The following USP4 variants were observed in gnomAD, a reference collection of about 807,000 sequenced individuals.
The protein encoded by USP4 is ubiquitin specific peptidase 4.
In USP4, 72 loss-of-function variants were observed where a neutral mutation model predicts 118.2. The ratio of observed to expected loss-of-function variants is 0.61; its 90% confidence interval spans 0.50 to 0.74. The LOEUF (loss-of-function observed/expected upper bound fraction) is 0.74, where lower values mean the gene tolerates loss of function less well. Ranked by LOEUF, USP4 falls within the 30% of genes least tolerant of loss-of-function variation. The probability of loss-of-function intolerance (pLI) is 0.00; values close to 1 mark genes in which losing one functional copy is unlikely to be tolerated. For synonymous variants in USP4, 415 were observed against 440.4 expected (o/e 0.94, Z 0.72); for missense variants, 1,037 against 1,185.7 (o/e 0.87, Z 1.84).
rs2047156567 is a variant in USP4, at chr3:49,291,971, C to G, written c.1972+539G>C. Among the ~76,000 whole-genome samples the G allele has an allele frequency of 2.0e-5, 3 of 152,146 alleles. No individual in the cohort carries two copies. The South Asian group carries it at 6.2e-4, about 32-fold the overall frequency. On this transcript the variant is annotated intron_variant, in intron 15 of 21. Transcript: ENST00000265560. ...TATAGGTGCCCGCCACCATGTCCGG[C>G]TAATTTTTTGTATTTTTAGTAGAGA...
intron 6 of USP4, among the ~76,000 whole-genome samples, chr3:49,322,718 G>T (rs187046520): frequency 3.9e-5 from 6 of 152,066 alleles, no homozygotes; most frequent in African/African-American, 1.2e-4. Flanking sequence ...AAAATTAGCT[G>T]GGCATGGTGG....
At chr3:49,321,492 T>C (rs1048262812) in intron 6 of USP4, among the ~76,000 whole-genome samples, 4 of 151,336 alleles carry the variant, frequency 2.6e-5, no homozygotes, top group Non-Finnish European at 5.9e-5. Flanking sequence ...TTTTTTTTTT[T>C]CTCCTGAGAC....
chr3:49,329,467 T>G (rs141932911), intron 2 of USP4, among the ~76,000 whole-genome samples: 1 of 152,204 alleles, frequency 6.6e-6, no homozygotes, highest in East Asian at 1.9e-4. Flanking sequence ...GTGGCATGAT[T>G]ACAGCTCACT....
chr3:49,336,749 C>T (rs1375744918), intron 1 of USP4, among the ~76,000 whole-genome samples: 1 of 149,716 alleles, frequency 6.7e-6, no homozygotes, highest in Non-Finnish European at 1.5e-5. Context: ...CTCAAACTCC[C>T]TACCTCAGGT....
At chr3:49,287,040 C>T (rs1232316965) in intron 15 of USP4, among the ~76,000 whole-genome samples, 2 of 151,962 alleles carry the variant, frequency 1.3e-5, no homozygotes, top group African/African-American at 2.4e-5. Flanking sequence ...TTAGTAGAGA[C>T]GGGGTTTCAC....
chr3:49,317,249 T>C (rs781127643), intron 6 of USP4: 1 of 1,541,932 alleles, frequency 6.5e-7, no homozygotes, highest in South Asian at 1.1e-5. Context: ...CAAGAGGCAA[T>C]CTTGCGTGCC....
chr3:49,286,378 T>C, intron 15 of USP4, 53 bp from the exon 16 acceptor site: 1 of 1,549,126 alleles, frequency 6.5e-7, no homozygotes, highest in Non-Finnish European at 8.8e-7. Flanking sequence ...ATTTCAATGT[T>C]AAAAATTTTA....
intron 6 of USP4, chr3:49,318,909 CAAA>C (rs1263569898): frequency 4.6e-5 from 3 of 64,628 alleles, no homozygotes; most frequent in Non-Finnish European, 6.2e-5. Flanking sequence ...GACTCTGCCT[CAAA>C]AAAAAAAAAA....
chr3:49,303,688 C>G (rs1197196716), intron 9 of USP4, among the ~76,000 whole-genome samples: 3 of 152,094 alleles, frequency 2.0e-5, no homozygotes, highest in African/African-American at 7.2e-5. Flanking sequence ...TCCCTAATAC[C>G]CCTAAACACT....
chr3:49,301,949 G>A (rs1191377524), intron 10 of USP4, among the ~76,000 whole-genome samples: 1 of 151,928 alleles, frequency 6.6e-6, no homozygotes, highest in Non-Finnish European at 1.5e-5. Flanking sequence ...CAATCTTAGG[G>A]GTCCTCACTA....
At chr3:49,285,070 G>A in intron 16 of USP4, 151 bp from the exon 17 acceptor site, 1 of 626,258 alleles carries the variant, frequency 1.6e-6, no homozygotes. Context: ...GCTCTGCAAT[G>A]GGCCAGCCCT....
At chr3:49,331,404 T>A (rs1385879568) in intron 2 of USP4, among the ~76,000 whole-genome samples, 2 of 151,802 alleles carry the variant, frequency 1.3e-5, no homozygotes, top group Admixed American at 6.6e-5. Context: ...GTGGATCACT[T>A]GAGGCCAGGA....
intron 6 of USP4, among the ~76,000 whole-genome samples, chr3:49,315,369 A>G (rs1450923641): frequency 6.6e-6 from 1 of 152,180 alleles, no homozygotes; most frequent in Non-Finnish European, 1.5e-5. Context: ...TCTATCTTTG[A>G]CAGACAAGTC....
At position 49,327,800 on chromosome 3, in the gene USP4, G is replaced by C. The variant is rs769356231; in HGVS notation, c.246C>G (p.Thr82=). ...ATTCATCAATTAAGTGTTCTTTCAAGGTCTGACTCTCAGGATCTAAAAAAG... is the reference window on the plus strand; with the variant it reads ...ATTCATCAATTAAGTGTTCTTTCAACGTCTGACTCTCAGGATCTAAAAAAG... ...SGLFSDPESQ[T]LKEHLIDELD... is the part of the protein sequence containing the mutation. Residue 82 remains threonine, a synonymous_variant, in exon 3 of 22, where the codon ACC becomes ACG. Transcript: ENST00000265560. 13 of 1,613,670 alleles carry C rather than the reference G, an allele frequency of 8.1e-6. No individual in the cohort carries two copies. In the East Asian group the frequency reaches 2.7e-4, roughly 33 times the overall value.
intron 8 of USP4, among the ~76,000 whole-genome samples, chr3:49,306,210 G>GTTT (rs57775959): frequency 7.3e-6 from 1 of 137,336 alleles, no homozygotes; most frequent in African/African-American, 2.7e-5. Context: ...GTTTTTTTTT[G>GTTT]TTTTTTTTTT....
At position 49,327,836 on chromosome 3, in the gene USP4, C is replaced by T. The variant is rs6795772; in HGVS notation, c.230-20G>A. Reference sequence around the variant, plus strand: ...CAGGATCTAAAAAAGGAAAAGAGCACATAAGTCACTGCTCTTTACCCCAGA... The same window carrying T: ...CAGGATCTAAAAAAGGAAAAGAGCATATAAGTCACTGCTCTTTACCCCAGA... On this transcript the variant is annotated intron_variant, in intron 2 of 21. Transcript: ENST00000265560. 0.59 allele frequency: 950,082 copies of T among 1,606,718 alleles called. 290,501 individuals carry two copies. Among genetic ancestry groups the T allele is most frequent in the East Asian group, 0.95 (42,452 of 44,820 alleles).
At chr3:49,311,698 G>A in intron 6 of USP4, 44 bp from the exon 7 acceptor site, 2 of 1,608,024 alleles carry the variant, frequency 1.2e-6, no homozygotes, top group Non-Finnish European at 1.7e-6. Context: ...TTTTTGCAAA[G>A]AGCAAGCCCT....
At chr3:49,318,299 G>A in intron 6 of USP4, 4 of 984,764 alleles carry the variant, frequency 4.1e-6, no homozygotes, top group Non-Finnish European at 3.6e-6. Context: ...CAGAATACTT[G>A]CTGCCTTACC....
chr3:49,337,426 T>C (rs1308193108), intron 1 of USP4, among the ~76,000 whole-genome samples: 1 of 152,120 alleles, frequency 6.6e-6, no homozygotes, highest in East Asian at 1.9e-4. Flanking sequence ...TGTAAGCAAA[T>C]GTGGTATTTT....
Sources: gnomAD v4.1 joint callset for allele counts (sites outside exome capture counted in the v4.1 genomes callset) on GRCh38, gnomAD v4.1.1 for gene constraint, MANE v1.5 for transcripts, NCBI Gene and HGNC (gene_info 2026-07-23, HGNC 2026-07-21) for gene names.